The following RASL11A variants were observed in gnomAD, a reference collection of about 807,000 sequenced individuals.
RASL11A encodes RAS like family 11 member A.
In RASL11A, 14 loss-of-function variants were observed where a neutral mutation model predicts 17.1. That is an observed-to-expected ratio of 0.82 (90% CI 0.54 to 1.28). The LOEUF (loss-of-function observed/expected upper bound fraction) is 1.28, where lower values mean the gene tolerates loss of function less well. Among genes scored for constraint, RASL11A ranks in the 50% most tolerant of loss-of-function variants. The probability of loss-of-function intolerance (pLI) is 0.00; values close to 1 mark genes in which losing one functional copy is unlikely to be tolerated. For synonymous variants in RASL11A, 146 were observed against 132.5 expected (o/e 1.10, Z -0.70); for missense variants, 283 against 312.3 (o/e 0.91, Z 0.71).
rs1465559146 is a variant in RASL11A, at chr13:27,270,844, G to A, written c.-101G>A. ...GACAGTTCTGCAGGCAGCCGCCGCG[G>A]TCCCGGACCTCTAGTCCCGCACTCC... On this transcript the variant is annotated 5_prime_UTR_variant, in exon 1 of 4. Transcript: ENST00000241463. The A allele has an allele frequency of 1.4e-6, 2 of 1,468,596 alleles. No homozygotes were observed. Among genetic ancestry groups the A allele is most frequent in the Admixed American group, 2.1e-5 (1 of 48,004 alleles). The allele number at this position is 1,468,596 out of a possible 1,614,324, so 91.0% of individuals were successfully genotyped here. A position where few individuals can be genotyped will look rare whatever the true frequency, so the allele number is the denominator to read the frequency against.
Position 27,271,030 on chromosome 13 carries a change from A to C in RASL11A, c.86A>C (p.Lys29Thr). 6.3e-7 allele frequency: 1 copy of C among 1,587,520 alleles called. No individual in the cohort carries two copies. The highest frequency in any genetic ancestry group is 1.1e-5 in the South Asian group (1 of 87,296). Residue 29 changes from lysine (K) to threonine (T), a missense_variant, in exon 1 of 4, where the codon AAA (lysine) becomes ACA (threonine). Lys to Thr is a moderately conservative substitution (Grantham distance 78, BLOSUM62 -1). Transcript: ENST00000241463. Reference sequence around the variant, plus strand: ...GACTACCTACTGCCCAAGGACATCAAACTGGCGGTGCTGGGCGCCGGCCGC... The same window carrying C: ...GACTACCTACTGCCCAAGGACATCACACTGGCGGTGCTGGGCGCCGGCCGC... ...SSDYLLPKDIKLAVLGAGRVG... is the reference protein window; with the variant it reads ...SSDYLLPKDITLAVLGAGRVG...
At chr13:27,272,272 C>T (rs1018090682) in intron 3 of RASL11A, among the ~76,000 whole-genome samples, 1 of 152,102 alleles carries the variant, frequency 6.6e-6, no homozygotes, top group Non-Finnish European at 1.5e-5. Flanking sequence ...CTACAGGCAC[C>T]CGCCGGAACT....
rs1173814097 is a variant in RASL11A, at chr13:27,273,172, C to A, written c.407C>A (p.Pro136His). 5 of 1,614,216 alleles carry A rather than the reference C, an allele frequency of 3.1e-6. No individual in the cohort carries two copies. Among genetic ancestry groups the A allele is most frequent in the Non-Finnish European group, 4.2e-6 (5 of 1,180,034 alleles). Residue 136 changes from proline (P) to histidine (H), a missense_variant, in exon 4 of 4, where the codon CCT (proline) becomes CAT (histidine). By Grantham distance (77) the Pro-to-His change is moderately conservative. Transcript: ENST00000241463. ...PLYQHIRKVH[P>H]DSKAPVIIVG... ...TATCAGCACATCCGGAAGGTCCACC[C>A]TGACTCTAAAGCCCCTGTCATCATC...
chr13:27,271,293 G>A, intron 1 of RASL11A, 191 bp from the exon 2 acceptor site: 2 of 1,453,574 alleles, frequency 1.4e-6, no homozygotes, highest in East Asian at 2.5e-5. Flanking sequence ...CCTGTTCGGG[G>A]ATGGGGTGCG....
intron 1 of RASL11A, chr13:27,271,283 C>T: frequency 6.9e-7 from 1 of 1,449,072 alleles, no homozygotes; most frequent in Non-Finnish European, 9.0e-7. Flanking sequence ...GGGATTGGCG[C>T]CTGTTCGGGG....
rs1280424033 is a variant in RASL11A, at chr13:27,274,251, T to A, written c.*757T>A. Among the ~76,000 whole-genome samples the A allele has an allele frequency of 2.6e-5, 4 of 152,148 alleles. No individual in the cohort carries two copies. Among genetic ancestry groups the A allele is most frequent in the Non-Finnish European group, 5.9e-5 (4 of 68,028 alleles). ...GCCTCACTGTCCCTTAATCTAGACCTCCCTTTGACTGGCAGGCAAGAATCT... is the reference window on the plus strand; with the variant it reads ...GCCTCACTGTCCCTTAATCTAGACCACCCTTTGACTGGCAGGCAAGAATCT... On this transcript the variant is annotated 3_prime_UTR_variant, in exon 4 of 4. Coordinates refer to ENST00000241463, the MANE Select transcript of RASL11A (RefSeq NM_206827.2).
Position 27,273,077 on chromosome 13 carries a change from G to T in RASL11A, c.312G>T (p.Gln104His), listed in dbSNP as rs1882345729. The T allele has an allele frequency of 6.2e-7, 1 of 1,614,222 alleles. No homozygotes were observed. Among genetic ancestry groups the T allele is most frequent in the Non-Finnish European group, 8.5e-7 (1 of 1,180,040 alleles). ...QVVDSLSKCV[Q>H]WAEGFLLVYS... ...TCGATTCCCTGTCCAAATGCGTGCA[G>T]TGGGCCGAGGGTTTTCTGCTGGTCT... The change falls in exon 4 of 4, where the codon CAG (glutamine) becomes CAT (histidine). Residue 104 changes from glutamine to histidine, a missense_variant. Gln to His is a conservative substitution (Grantham distance 24). Transcript: ENST00000241463.
In RASL11A at chr13:27,271,381, T is replaced by C. The variant is rs1259039507; in HGVS notation, c.125-103T>C. On this transcript the variant is annotated intron_variant, in intron 1 of 3. Transcript: ENST00000241463. ...TTGCGGAGCCTCTGGAAGCGAGCAG[T>C]GCCCACGGTTCTGCACCCTTCACTC... 1.9e-6 allele frequency: 3 copies of C among 1,555,170 alleles called. No homozygotes were observed. In the Admixed American group the frequency reaches 5.1e-5, roughly 27 times the overall value.
chr13:27,271,105 C>A (rs777015025), intron 1 of RASL11A, 37 bp downstream of exon 1: 1 of 1,536,922 alleles, frequency 6.5e-7, no homozygotes, highest in South Asian at 1.2e-5. Flanking sequence ...GCTTCGCTCC[C>A]CGGCTCCGGC....
chr13:27,272,456 T>C (rs920615657), intron 3 of RASL11A, among the ~76,000 whole-genome samples: 15 of 152,332 alleles, frequency 9.8e-5, no homozygotes, highest in Admixed American at 5.9e-4. Context: ...ACTGCTGCTG[T>C]TAATGGCTGT....
rs777742731 is a variant in RASL11A at position 27,271,713 on chromosome 13, G to T, written c.256G>T (p.Val86Phe). ...SLQIQDTPGG[V>F]QIQDSLPQVV... ...GCAGATCCAGGATACTCCCGGGGGC[G>T]TCCAGGTAAGAACCGCCAGGGGCAA... Residue 86 changes from valine (V) to phenylalanine (F), a missense_variant, in exon 3 of 4, where the codon GTC becomes TTC. By Grantham distance (50) the Val-to-Phe change is conservative (BLOSUM62 -1). Coordinates refer to ENST00000241463, the MANE Select transcript of RASL11A (RefSeq NM_206827.2). The T allele has an allele frequency of 1.2e-6, 2 of 1,607,170 alleles. No individual in the cohort carries two copies. The highest frequency in any genetic ancestry group is 4.5e-5 in the East Asian group (2 of 44,768).
chr13:27,271,224 G>A, intron 1 of RASL11A, 156 bp downstream of exon 1: 1 of 1,449,460 alleles, frequency 6.9e-7, no homozygotes, highest in South Asian at 1.5e-5. Context: ...GGTCCGTCCC[G>A]GCCTGCTTCC....
In RASL11A at chr13:27,274,996, C is replaced by T. The variant is rs145501684; in HGVS notation, c.*1502C>T. Among the ~76,000 whole-genome samples, 1,087 of 152,282 alleles carry T rather than the reference C, an allele frequency of 7.1e-3. 14 individuals are homozygous for T. The highest frequency in any genetic ancestry group is 0.025 in the African/African-American group (1,040 of 41,554). ...TGTGGTGGAAAGGGACTGACATATG[C>T]AGCTTCTGGCAATCACAGACCATTA... On this transcript the variant is annotated 3_prime_UTR_variant, in exon 4 of 4. Transcript: ENST00000241463.
rs750488212 is a variant in RASL11A, at chr13:27,273,315, G to C, written c.550G>C (p.Asp184His). Reference sequence around the variant, plus strand: ...AATTTCCACTAGCGAAAACTACGAAGATGTCTGTGATGTGTTTCAGCATCT... The same window carrying C: ...AATTTCCACTAGCGAAAACTACGAACATGTCTGTGATGTGTTTCAGCATCT... ...LEISTSENYE[D>H]VCDVFQHLCK... The change falls in exon 4 of 4, where the codon GAT becomes CAT. Residue 184 changes from aspartate to histidine, a missense_variant. Transcript: ENST00000241463. 2 of 1,614,228 alleles carry C rather than the reference G, an allele frequency of 1.2e-6. No individual in the cohort carries two copies. The highest frequency in any genetic ancestry group is 4.5e-5 in the East Asian group (2 of 44,894).
rs778877684 is a variant in RASL11A at position 27,273,232 on chromosome 13, A to G, written c.467A>G (p.Gln156Arg). The G allele has an allele frequency of 6.2e-7, 1 of 1,614,128 alleles. No individual in the cohort carries two copies. The highest frequency in any genetic ancestry group is 2.2e-5 in the East Asian group (1 of 44,898). Residue 156 changes from glutamine to arginine, a missense_variant, in exon 4 of 4, where the codon CAG (glutamine) becomes CGG (arginine). Transcript: ENST00000241463. ...GNKGDLLHAR[Q>R]VQTQDGIQLA... is the part of the protein sequence containing the mutation. ...AAGGGGGACCTTTTGCATGCCCGGC[A>G]GGTGCAGACACAGGACGGTATTCAG...
Position 27,274,378 on chromosome 13 carries a change from T to TA in RASL11A, c.*890dup, listed in dbSNP as rs1311735465. Among the ~76,000 whole-genome samples the TA allele has an allele frequency of 6.6e-6, 1 of 152,116 alleles. No individual in the cohort carries two copies. Among genetic ancestry groups the TA allele is most frequent in the African/African-American group, 2.4e-5 (1 of 41,406 alleles). On this transcript the variant is annotated 3_prime_UTR_variant, in exon 4 of 4. Transcript: ENST00000241463. ...ACTAACCCTAATCATTTTATTTCTATAAAAAACCCAGCTGGTTTCCCCTTA... is the reference window on the plus strand; with the variant it reads ...ACTAACCCTAATCATTTTATTTCTATAAAAAAACCCAGCTGGTTTCCCCTTA...
intron 1 of RASL11A, 145 bp from the exon 2 acceptor site, chr13:27,271,339 C>A: frequency 6.7e-7 from 1 of 1,492,278 alleles, no homozygotes; most frequent in Non-Finnish European, 9.0e-7. Flanking sequence ...CGCGGCCAAG[C>A]CCGCGGCACC....
chr13:27,270,968 G>A lies in RASL11A; in HGVS notation c.24G>A (p.Gly8=), dbSNP rs1357003674. 1 of 1,596,760 alleles carries A rather than the reference G, an allele frequency of 6.3e-7. No homozygotes were observed. The highest frequency in any genetic ancestry group is 1.1e-5 in the South Asian group (1 of 88,074). Residue 8 remains glycine (G), a synonymous_variant, in exon 1 of 4, where the codon GGG becomes GGA. Transcript: ENST00000241463. ...CCATGCGGCCGCTCAGCATGTCCGG[G>A]CACTTTCTGCTCGCACCCATCCCCG... is the stretch of plus-strand genomic sequence containing the variant. MRPLSMS[G]HFLLAPIPES...
chr13:27,273,481 C>T lies in RASL11A; in HGVS notation c.716C>T (p.Ser239Phe). Residue 239 changes from serine (S) to phenylalanine (F), a missense_variant, in exon 4 of 4, where the codon TCT (serine) becomes TTT (phenylalanine). Ser to Phe is a radical substitution (Grantham distance 155). Transcript: ENST00000241463. ...CTGTCTCCCAAAGTCAAAGCCCCCTCTGCACTGGGGTGAACTATCTCAGAC... is the reference window on the plus strand; with the variant it reads ...CTGTCTCCCAAAGTCAAAGCCCCCTTTGCACTGGGGTGAACTATCTCAGAC... ...QALSPKVKAPSALG is the reference protein window; with the variant it reads ...QALSPKVKAPFALG The T allele has an allele frequency of 6.2e-7, 1 of 1,613,780 alleles. No homozygotes were observed. The highest frequency in any genetic ancestry group is 1.1e-5 in the South Asian group (1 of 91,078).
Sources: gnomAD v4.1 joint callset for allele counts (sites outside exome capture counted in the v4.1 genomes callset) on GRCh38, gnomAD v4.1.1 for gene constraint, MANE v1.5 for transcripts, NCBI Gene and HGNC (gene_info 2026-07-23, HGNC 2026-07-21) for gene names.